Variants in CNTNAP5 observed in about 807,000 individuals in gnomAD.
CNTNAP5 encodes the protein contactin-associated protein-like 5.
A neutral mutation model predicts 150.2 loss-of-function variants in CNTNAP5; 72 were observed. The observed-to-expected ratio is 0.48, with a 90% CI of 0.40 to 0.58. The LOEUF is 0.58. CNTNAP5 is among the 20% of genes least tolerant of loss of function. The pLI is 0.00. For missense variants in CNTNAP5, 1,636 were observed against 1,626.2 expected, an observed-to-expected ratio of 1.01 and a Z score of -0.10; for synonymous variants, 672 against 619.8, an observed-to-expected ratio of 1.08 and a Z score of -1.25.
chr2:124,573,184 A>C (rs1162450751), intron 11 of CNTNAP5, among the ~76,000 whole-genome samples: 1 of 152,238 alleles, frequency 6.6e-6, no homozygotes, highest in Admixed American at 6.5e-5. Flanking sequence ...GGAACACAGA[A>C]GGATTTAAAA....
intron 5 of CNTNAP5, among the ~76,000 whole-genome samples, chr2:124,444,903 T>TGTGCTG (rs1692773733): frequency 6.6e-6 from 1 of 152,126 alleles, no homozygotes; most frequent in Non-Finnish European, 1.5e-5. Flanking sequence ...CACTCTGCAT[T>TGTGCTG]TCCATGGCCC....
At chr2:124,105,032 G>C (rs374260752) in intron 1 of CNTNAP5, among the ~76,000 whole-genome samples, 2 of 125,302 alleles carry the variant, frequency 1.6e-5, no homozygotes, top group Non-Finnish European at 3.9e-5. Flanking sequence ...CTTCAGAGCT[G>C]CTCTACACAT....
At chr2:124,320,000 C>T (rs1485770313) in intron 3 of CNTNAP5, among the ~76,000 whole-genome samples, 1 of 152,176 alleles carries the variant, frequency 6.6e-6, no homozygotes, top group East Asian at 1.9e-4. Context: ...AGATATGATA[C>T]CAACTGATTC....
chr2:124,857,333 C>A (rs965435340), intron 19 of CNTNAP5, among the ~76,000 whole-genome samples: 6 of 152,014 alleles, frequency 3.9e-5, no homozygotes, highest in African/African-American at 1.4e-4. Flanking sequence ...GAGATGGAAC[C>A]CTAAACACAG....
At chr2:124,115,334 A>G (rs1349163996) in intron 1 of CNTNAP5, among the ~76,000 whole-genome samples, 2 of 152,160 alleles carry the variant, frequency 1.3e-5, no homozygotes, top group African/African-American at 4.8e-5. Context: ...TTTACTTTTT[A>G]TTAATCACCA....
At chr2:124,607,614 A>T (rs551806346) in intron 11 of CNTNAP5, among the ~76,000 whole-genome samples, 20 of 152,196 alleles carry the variant, frequency 1.3e-4, no homozygotes, top group Non-Finnish European at 2.5e-4. Flanking sequence ...TGCCTAGCAC[A>T]GGTGGGGTAG....
Position 124,917,667 on chromosome 2 carries a change from A to G in CNTNAP5, c.*3379A>G, listed in dbSNP as rs1023224884. ...ACGGGTAGCAAGAGCAGGATAGAAC[A>G]AAATAAAGAGATTGTTTTTCTTTTT... On this transcript the variant is annotated 3_prime_UTR_variant, in exon 24 of 24. Transcript: ENST00000682447. 2.0e-5 allele frequency among the ~76,000 whole-genome samples: 3 copies of G among 152,094 alleles called. No homozygotes were observed. The highest frequency in any genetic ancestry group is 7.2e-5 in the African/African-American group (3 of 41,450).
chr2:124,373,707 T>C (rs769884740), intron 3 of CNTNAP5, among the ~76,000 whole-genome samples: 2 of 152,046 alleles, frequency 1.3e-5, no homozygotes, highest in Non-Finnish European at 2.9e-5. Flanking sequence ...TTTTCAGTTA[T>C]ATTATGAGCA....
chr2:124,438,002 C>CTGAAATATTT (rs1482768504), intron 5 of CNTNAP5, among the ~76,000 whole-genome samples: 1 of 152,144 alleles, frequency 6.6e-6, no homozygotes, highest in Non-Finnish European at 1.5e-5. Flanking sequence ...AAGTTCAGCA[C>CTGAAATATTT]CACGGTCAGC....
chr2:124,033,071 G>A (rs989945877), intron 1 of CNTNAP5, among the ~76,000 whole-genome samples: 3 of 152,130 alleles, frequency 2.0e-5, no homozygotes, highest in Non-Finnish European at 2.9e-5. Flanking sequence ...GGTGTGCTAC[G>A]CTGATGTGCT....
At chr2:124,623,406 T>A (rs963190) in intron 12 of CNTNAP5, among the ~76,000 whole-genome samples, 61,363 of 152,140 alleles carry the variant, frequency 0.4, 14,482 homozygotes, top group Non-Finnish European at 0.54. Flanking sequence ...TGGTTGTGAA[T>A]CTTTATAAGT....
intron 13 of CNTNAP5, among the ~76,000 whole-genome samples, chr2:124,675,356 G>T (rs1273883486): frequency 6.6e-6 from 1 of 151,920 alleles, no homozygotes; most frequent in Non-Finnish European, 1.5e-5. Flanking sequence ...TGAATATGAT[G>T]TATATCTCAT....
intron 1 of CNTNAP5, among the ~76,000 whole-genome samples, chr2:124,194,403 AT>A (rs1685532254): frequency 0.035 from 339 of 9,664 alleles, 10 homozygotes; most frequent in African/African-American, 0.056. Context: ...ATATATATAT[AT>A]ATATATAAAT....
At chr2:124,339,047 A>C (rs1473542585) in intron 3 of CNTNAP5, among the ~76,000 whole-genome samples, 1 of 152,128 alleles carries the variant, frequency 6.6e-6, no homozygotes, top group East Asian at 1.9e-4. Context: ...TTAGAGAGAA[A>C]AGGAAGAGGA....
chr2:124,482,017 C>T (rs191474132), intron 7 of CNTNAP5, among the ~76,000 whole-genome samples: 2 of 152,298 alleles, frequency 1.3e-5, no homozygotes, highest in African/African-American at 4.8e-5. Context: ...CTTTTCAAGT[C>T]ATTTCAATCT....
chr2:124,781,427 T>C (rs960191027), intron 17 of CNTNAP5, among the ~76,000 whole-genome samples: 2 of 152,174 alleles, frequency 1.3e-5, no homozygotes, highest in Admixed American at 6.5e-5. Context: ...CTTTCTTATA[T>C]TGGTGAAATA....
chr2:124,657,628 C>T (rs1002562036), intron 13 of CNTNAP5, among the ~76,000 whole-genome samples: 1 of 152,122 alleles, frequency 6.6e-6, no homozygotes, highest in African/African-American at 2.4e-5. Flanking sequence ...GGCTCCAAAC[C>T]TTTCCCTCTG....
intron 3 of CNTNAP5, among the ~76,000 whole-genome samples, chr2:124,242,772 C>T (rs928042521): frequency 3.3e-5 from 5 of 152,172 alleles, no homozygotes; most frequent in African/African-American, 9.7e-5. Context: ...ATGCCAGGCA[C>T]TTCACATATT....
intron 1 of CNTNAP5, among the ~76,000 whole-genome samples, chr2:124,105,914 C>T (rs1458254722): frequency 6.6e-6 from 1 of 152,086 alleles, no homozygotes; most frequent in Middle Eastern, 3.2e-3. Flanking sequence ...TTTAATCTCA[C>T]CTATTAGTCT....
Sources: allele counts gnomAD v4.1 joint callset (sites outside exome capture counted in the v4.1 genomes callset), GRCh38; gene constraint gnomAD v4.1.1; transcripts MANE v1.5; gene names NCBI Gene and HGNC (gene_info 2026-07-23, HGNC 2026-07-21).